The following PIGL variants were observed in gnomAD, a reference collection of about 807,000 sequenced individuals.
PIGL encodes the protein N-acetylglucosaminyl-phosphatidylinositol de-N-acetylase.
A neutral mutation model predicts 31.1 loss-of-function variants in PIGL; 22 were observed. The ratio of observed to expected loss-of-function variants is 0.71; its 90% confidence interval spans 0.51 to 1.01. The LOEUF (loss-of-function observed/expected upper bound fraction) is 1.01, where lower values mean the gene tolerates loss of function less well. Among genes scored for constraint, PIGL ranks in the 50% least tolerant of loss-of-function variants. PIGL has a pLI of 0.00. For missense variants in PIGL, 302 were observed against 315.9 expected, an observed-to-expected ratio of 0.96 and a Z score of 0.33; for synonymous variants, 131 against 117.4, an observed-to-expected ratio of 1.12 and a Z score of -0.75.
chr17:16,283,397 G>C (rs1241371312), intron 2 of PIGL, among the ~76,000 whole-genome samples: 1 of 152,230 alleles, frequency 6.6e-6, no homozygotes, highest in South Asian at 2.1e-4. Flanking sequence ...GATCCTAGGA[G>C]GTTGAGGCTG....
intron 1 of PIGL, among the ~76,000 whole-genome samples, chr17:16,221,450 CTTTT>C (rs36044246): frequency 1.6e-5 from 2 of 128,260 alleles, no homozygotes; most frequent in Non-Finnish European, 1.7e-5. Context: ...GCACACCCAA[CTTTT>C]TTTTTTTTTT....
intron 2 of PIGL, among the ~76,000 whole-genome samples, chr17:16,249,151 A>G (rs2092760398): frequency 6.6e-6 from 1 of 152,226 alleles, no homozygotes; most frequent in East Asian, 1.9e-4. Flanking sequence ...TTAAATGGAA[A>G]TTCCAGAAAT....
chr17:16,261,427 T>C (rs2324305), intron 2 of PIGL, among the ~76,000 whole-genome samples: 143,470 of 152,248 alleles, frequency 0.94, 67,976 homozygotes, highest in Non-Finnish European at 0.99. Context: ...AATTGGACTT[T>C]GTCAAAATTA....
chr17:16,244,824 G>A (rs750605791), intron 2 of PIGL, among the ~76,000 whole-genome samples: 2 of 151,728 alleles, frequency 1.3e-5, no homozygotes, highest in Admixed American at 6.6e-5. Context: ...ACAGGCACAC[G>A]TCACCACATC....
rs371796068 is a variant in PIGL at position 16,295,019 on chromosome 17, C to T, written c.336-4869C>T. On this transcript the variant is annotated intron_variant, in intron 2 of 6. Coordinates refer to ENST00000225609, the MANE Select transcript of PIGL (RefSeq NM_004278.4). ...GGTAAACAGGTCTCTATATTAAATT[C>T]CTTCTGAAATACCTGGTGGTCTCCA... is the stretch of plus-strand genomic sequence containing the variant. 7.9e-5 allele frequency among the ~76,000 whole-genome samples: 12 copies of T among 152,320 alleles called. 1 individual carries two copies. The South Asian group carries it at 2.5e-3, about 32-fold the overall frequency.
chr17:16,246,267 C>A (rs1274800218), intron 2 of PIGL, among the ~76,000 whole-genome samples: 1 of 151,638 alleles, frequency 6.6e-6, no homozygotes, highest in Non-Finnish European at 1.5e-5. Context: ...CACCTGTAAT[C>A]CCAGCACTTT....
intron 2 of PIGL, among the ~76,000 whole-genome samples, chr17:16,284,729 A>G (rs1010635377): frequency 6.6e-6 from 1 of 152,104 alleles, no homozygotes; most frequent in South Asian, 2.1e-4. Flanking sequence ...ACTCCTCACT[A>G]ACTGGCTTCC....
At chr17:16,244,630 G>C (rs562941953) in intron 2 of PIGL, among the ~76,000 whole-genome samples, 1 of 152,258 alleles carries the variant, frequency 6.6e-6, no homozygotes, top group African/African-American at 2.4e-5. Flanking sequence ...GTTACATTTG[G>C]ATAAACACCT....
intron 2 of PIGL, among the ~76,000 whole-genome samples, chr17:16,293,397 G>A (rs1284068584): frequency 2.0e-5 from 3 of 152,164 alleles, no homozygotes; most frequent in African/African-American, 2.4e-5. Context: ...GTGTGGTGGC[G>A]GGCGCCTGTA....
intron 2 of PIGL, among the ~76,000 whole-genome samples, chr17:16,258,019 C>T (rs1323168802): frequency 1.5e-5 from 2 of 133,558 alleles, no homozygotes; most frequent in Admixed American, 1.6e-4. Flanking sequence ...GTTGAGATAG[C>T]GCCACTGCAC....
intron 3 of PIGL, among the ~76,000 whole-genome samples, chr17:16,308,434 C>T (rs2093035157): frequency 6.6e-6 from 1 of 152,140 alleles, no homozygotes; most frequent in Non-Finnish European, 1.5e-5. Flanking sequence ...GGCCTCAAAC[C>T]CTCTATCTCA....
intron 2 of PIGL, among the ~76,000 whole-genome samples, chr17:16,270,627 T>A (rs1450011924): frequency 4.6e-5 from 7 of 152,154 alleles, no homozygotes; most frequent in Non-Finnish European, 8.8e-5. Flanking sequence ...CCAGGCACAG[T>A]GGCTCACGCC....
At chr17:16,304,646 C>T (rs2093019193) in intron 3 of PIGL, among the ~76,000 whole-genome samples, 2 of 152,130 alleles carry the variant, frequency 1.3e-5, no homozygotes, top group South Asian at 4.2e-4. Context: ...ACAAAGCTAC[C>T]ATCCTTGGAA....
At chr17:16,316,918 A>G in intron 5 of PIGL, 4 of 1,353,840 alleles carry the variant, frequency 3.0e-6, no homozygotes, top group Non-Finnish European at 3.8e-6. Context: ...CCACCTCTGG[A>G]TGAGTGGGGA....
intron 2 of PIGL, among the ~76,000 whole-genome samples, chr17:16,258,067 GAA>G (rs1451089901): frequency 6.6e-5 from 5 of 75,648 alleles, no homozygotes; most frequent in East Asian, 6.9e-4. Flanking sequence ...TTGTCAGAAA[GAA>G]AGAGAGAGAG....
chr17:16,222,463 A>G (rs990931995), intron 1 of PIGL, among the ~76,000 whole-genome samples: 1 of 152,124 alleles, frequency 6.6e-6, no homozygotes, highest in African/African-American at 2.4e-5. Context: ...TCCTGTCAGC[A>G]ACTCTGTGAG....
At chr17:16,248,706 C>T (rs2092758790) in intron 2 of PIGL, among the ~76,000 whole-genome samples, 2 of 152,284 alleles carry the variant, frequency 1.3e-5, no homozygotes, top group South Asian at 4.1e-4. Context: ...CTCAAAACTC[C>T]TCCAACCTCT....
At position 16,217,240 on chromosome 17, in the gene PIGL, G is replaced by C. The variant is rs754743557; in HGVS notation, c.14G>C (p.Trp5Ser). The C allele has an allele frequency of 1.2e-6, 2 of 1,614,030 alleles. No homozygotes were observed. Among genetic ancestry groups the C allele is most frequent in the African/African-American group, 2.7e-5 (2 of 74,934 alleles). The change falls in exon 1 of 7, where the codon TGG becomes TCG. Residue 5 changes from tryptophan (W) to serine (S), a missense_variant. Coordinates refer to ENST00000225609, the MANE Select transcript of PIGL (RefSeq NM_004278.4). ...TGCTTACCCATCATGGAAGCAATGT[G>C]GCTCCTGTGTGTGGCGTTGGCGGTC... Reference protein sequence around the residue: MEAMWLLCVALAVLA... With the variant: MEAMSLLCVALAVLA...
chr17:16,317,833 G>C lies in PIGL; in HGVS notation c.585G>C (p.Leu195=). The change falls in exon 6 of 7, where the codon CTG becomes CTC. Residue 195 remains leucine, a synonymous_variant. Coordinates refer to ENST00000225609, the MANE Select transcript of PIGL (RefSeq NM_004278.4). ...TGCTGCGCAAGTACATCTCCCTTCT[G>C]GATCTGCCCTTGTCTCTGCTTCATA... ...VNVLRKYISL[L]DLPLSLLHTQ... 6.2e-7 allele frequency: 1 copy of C among 1,614,142 alleles called. No individual in the cohort carries two copies. The highest frequency in any genetic ancestry group is 8.5e-7 in the Non-Finnish European group (1 of 1,180,038).
Sources: allele counts gnomAD v4.1 joint callset (sites outside exome capture counted in the v4.1 genomes callset), GRCh38; gene constraint gnomAD v4.1.1; transcripts MANE v1.5; gene names NCBI Gene and HGNC (gene_info 2026-07-23, HGNC 2026-07-21).